Variants in APOBEC3H observed in about 807,000 individuals in gnomAD.
APOBEC3H encodes the protein apolipoprotein B mRNA editing enzyme catalytic subunit 3H.
A neutral mutation model predicts 21.2 loss-of-function variants in APOBEC3H; 8 were observed. The observed-to-expected ratio is 0.38, with a 90% confidence interval of 0.22 to 0.68. The LOEUF (loss-of-function observed/expected upper bound fraction) is 0.68. Among genes scored for constraint, APOBEC3H ranks in the 30% least tolerant of loss-of-function variants. The probability of loss-of-function intolerance (pLI) is 0.52; values close to 1 mark genes in which losing one functional copy is unlikely to be tolerated. For synonymous variants in APOBEC3H, 88 were observed against 91.0 expected, an observed-to-expected ratio of 0.97 and a Z score of 0.19; for missense variants, 229 against 228.1, an observed-to-expected ratio of 1.00 and a Z score of -0.03.
rs780182369 is a variant in APOBEC3H, at chr22:39,100,458, C to T, written c.150+30C>T. 9.3e-6 allele frequency: 15 copies of T among 1,608,976 alleles called. No homozygotes were observed. In the African/African-American group the frequency reaches 1.1e-4, roughly 11 times the overall value. ...CACACGGGCTCTCTGGGCACAGGGCCGGCAGGGGCTAACCCCATCTGATGT... is the reference window on the plus strand; with the variant it reads ...CACACGGGCTCTCTGGGCACAGGGCTGGCAGGGGCTAACCCCATCTGATGT... On this transcript the variant is annotated intron_variant, in intron 2 of 4. Transcript: ENST00000442487.
intron 1 of APOBEC3H, 84 bp from the exon 2 acceptor site, chr22:39,100,188 G>A (rs1601535433): frequency 6.9e-7 from 1 of 1,459,778 alleles, no homozygotes; most frequent in East Asian, 2.3e-5. Context: ...ACAAAAAAGA[G>A]TTGGGTTTGA....
chr22:39,098,871 C>G, intron 1 of APOBEC3H, among the ~76,000 whole-genome samples: 1 of 152,152 alleles, frequency 6.6e-6, no homozygotes, highest in East Asian at 1.9e-4. Flanking sequence ...GGAGCTCAGG[C>G]CCTCGGGGAG....
chr22:39,103,863 C>T lies in APOBEC3H; in HGVS notation c.*166C>T. On this transcript the variant is annotated 3_prime_UTR_variant, in exon 5 of 5. Coordinates refer to ENST00000442487, the MANE Select transcript of APOBEC3H (RefSeq NM_181773.5). The stretch of plus-strand genomic sequence containing the variant: ...AAGCTCCACAGTGCCAGTTCCTTGC[C>T]CCAACCTGGCCCCATCCAAGTACAG... The T allele has an allele frequency of 1.2e-6, 1 of 814,768 alleles. No individual in the cohort carries two copies. The highest frequency in any genetic ancestry group is 2.1e-6 in the Non-Finnish European group (1 of 472,368). 50.5% of individuals were successfully genotyped at this position (814,768 alleles called of 1,614,324 possible).
At chr22:39,097,528 C>T (rs955724373) in intron 1 of APOBEC3H, among the ~76,000 whole-genome samples, 185 bp downstream of exon 1, 14 of 152,210 alleles carry the variant, frequency 9.2e-5, no homozygotes, top group Non-Finnish European at 1.8e-4. Context: ...CCCACTGCTG[C>T]TTCTGAACGG....
At chr22:39,103,665 C>A (rs1341069161) in intron 4 of APOBEC3H, 24 bp from the exon 5 acceptor site, 22 of 1,613,400 alleles carry the variant, frequency 1.4e-5, no homozygotes, top group Non-Finnish European at 1.6e-5. Flanking sequence ...TTGGTACCTC[C>A]TAACTTCTCT....
chr22:39,102,190 C>T (rs1298705028), intron 4 of APOBEC3H, 148 bp downstream of exon 4: 4 of 1,248,708 alleles, frequency 3.2e-6, no homozygotes, highest in Non-Finnish European at 4.3e-6. Flanking sequence ...ACTCTGTCAC[C>T]CAGGCAGGAG....
rs1929250723 is a variant in APOBEC3H at position 39,100,496 on chromosome 22, C to T, written c.150+68C>T. On this transcript the variant is annotated intron_variant, in intron 2 of 4. Transcript: ENST00000442487. ...CCCCATCTGATGTGTGCAGAAAATA[C>T]ATGAAATGCCTGCCTATAAATTTCT... The T allele has an allele frequency of 4.5e-6, 7 of 1,545,800 alleles. No homozygotes were observed. In the Middle Eastern group the frequency reaches 7.0e-4, roughly 154 times the overall value.
intron 1 of APOBEC3H, among the ~76,000 whole-genome samples, chr22:39,099,351 A>G (rs1424694908): frequency 6.6e-6 from 1 of 152,244 alleles, no homozygotes; most frequent in Admixed American, 6.5e-5. Flanking sequence ...TTTTCTGTTC[A>G]CTCAACTGTG....
At chr22:39,099,208 T>C (rs6001431) in intron 1 of APOBEC3H, among the ~76,000 whole-genome samples, 20,501 of 151,846 alleles carry the variant, frequency 0.14, 1,878 homozygotes, top group African/African-American at 0.26. Flanking sequence ...AGCAAGACTC[T>C]CTCTCAAAAA....
chr22:39,103,645 G>A (rs1347809459), intron 4 of APOBEC3H, 44 bp from the exon 5 acceptor site: 2 of 1,599,808 alleles, frequency 1.3e-6, no homozygotes, highest in Non-Finnish European at 1.7e-6. Context: ...TCCCTGTGGT[G>A]TCCCACCAGT....
At chr22:39,102,958 GT>G (rs1929455340) in intron 4 of APOBEC3H, among the ~76,000 whole-genome samples, 1 of 90,172 alleles carries the variant, frequency 1.1e-5, no homozygotes, top group African/African-American at 4.3e-5. Context: ...GCAAGACTCT[GT>G]CCCAAAAAAA....
Position 39,101,322 on chromosome 22 carries a change from AC to A in APOBEC3H, c.238del (p.Leu80SerfsTer23), listed in dbSNP as rs779905644. The A allele has an allele frequency of 2.5e-6, 4 of 1,612,878 alleles. No individual in the cohort carries two copies. The East Asian group carries it at 8.9e-5, about 36-fold the overall frequency. Reference protein sequence around the residue: ...DETQCYQVTCYLTWSPCSSCA... With the variant: ...DETQCYQVTCXLTWSPCSSCA... The stretch of plus-strand genomic sequence containing the variant: ...ACGCAGTGCTACCAAGTCACCTGTT[AC>A]CTCACGTGGAGCCCCTGCTCCTCCT... On this transcript the variant is annotated frameshift_variant, in exon 3 of 5. Transcript: ENST00000442487. LOFTEE classifies it high-confidence loss of function.
Position 39,100,436 on chromosome 22 carries a change from A to C in APOBEC3H, c.150+8A>C, listed in dbSNP as rs571817129. The stretch of plus-strand genomic sequence containing the variant: ...GGCTACTTTGAAAACAAGGTGCCAC[A>C]CGGGCTCTCTGGGCACAGGGCCGGC... On this transcript the variant is annotated splice_region_variant and intron_variant, in intron 2 of 4. Coordinates refer to ENST00000442487, the MANE Select transcript of APOBEC3H (RefSeq NM_181773.5). The C allele has an allele frequency of 1.7e-5, 28 of 1,612,258 alleles. No homozygotes were observed. In the African/African-American group the frequency reaches 3.5e-4, roughly 20 times the overall value.
chr22:39,102,258 C>T (rs1411645263), intron 4 of APOBEC3H, among the ~76,000 whole-genome samples: 1 of 152,074 alleles, frequency 6.6e-6, no homozygotes, highest in African/African-American at 2.4e-5. Flanking sequence ...AAGTGATTCT[C>T]CTGCCTCAGC....
At chr22:39,103,647 C>G in intron 4 of APOBEC3H, 42 bp from the exon 5 acceptor site, 1 of 1,603,956 alleles carries the variant, frequency 6.2e-7, no homozygotes, top group Non-Finnish European at 8.5e-7. Flanking sequence ...CCTGTGGTGT[C>G]CCACCAGTTG....
Position 39,104,054 on chromosome 22 carries a change from C to T in APOBEC3H, c.*357C>T, listed in dbSNP as rs1664150368. 1 of 333,012 alleles carries T rather than the reference C, an allele frequency of 3.0e-6. No individual in the cohort carries two copies. The highest frequency in any genetic ancestry group is 2.1e-5 in the African/African-American group (1 of 47,202). 20.6% of individuals were successfully genotyped at this position (333,012 alleles called of 1,614,324 possible). A position where few individuals can be genotyped will look rare whatever the true frequency, so the allele number is the denominator to read the frequency against. ...GCTGAGATGCTCGGCCAATAAATTT[C>T]TATTGTTTATGAATCACCCAGTCTG... On this transcript the variant is annotated 3_prime_UTR_variant, in exon 5 of 5. Coordinates refer to ENST00000442487, the MANE Select transcript of APOBEC3H (RefSeq NM_181773.5).
intron 1 of APOBEC3H, 41 bp from the exon 2 acceptor site, chr22:39,100,231 A>T (rs2146316976): frequency 6.3e-7 from 1 of 1,594,302 alleles, no homozygotes; most frequent in East Asian, 2.3e-5. Flanking sequence ...ACTCAAGAGG[A>T]CGCTCCCTTC....
intron 1 of APOBEC3H, among the ~76,000 whole-genome samples, chr22:39,098,084 G>T (rs1408021554): frequency 6.6e-6 from 1 of 152,216 alleles, no homozygotes; most frequent in Non-Finnish European, 1.5e-5. Flanking sequence ...CAGCTCCATG[G>T]CCTGGGCAGG....
chr22:39,101,529 A>G, intron 3 of APOBEC3H, 25 bp downstream of exon 3: 1 of 1,553,896 alleles, frequency 6.4e-7, no homozygotes, highest in Non-Finnish European at 8.7e-7. Context: ...TTGCAGTTAT[A>G]AGAGTGCAAA....
Sources: allele counts gnomAD v4.1 joint callset (sites outside exome capture counted in the v4.1 genomes callset), GRCh38; gene constraint gnomAD v4.1.1; transcripts MANE v1.5; gene names NCBI Gene and HGNC (gene_info 2026-07-23, HGNC 2026-07-21).